LRRK2: variants seen among roughly 807,000 people sequenced by gnomAD.
The protein encoded by LRRK2 is leucine-rich repeat serine/threonine-protein kinase 2.
In LRRK2, 203 loss-of-function variants were observed where a neutral mutation model predicts 302.6. That is an observed-to-expected ratio of 0.67 (90% confidence interval 0.60 to 0.75). The LOEUF is 0.75. Among genes scored for constraint, LRRK2 ranks in the 30% least tolerant of loss-of-function variants. The pLI, the probability that LRRK2 is intolerant of heterozygous loss-of-function variation, is 0.00. For synonymous variants in LRRK2, 1,066 were observed against 1,031.9 expected (o/e 1.03, Z -0.63); for missense variants, 2,830 against 2,951.0 (o/e 0.96, Z 0.95).
Position 40,287,445 on chromosome 12 carries a change from T to C in LRRK2, c.2595T>C (p.Ser865=). The C allele has an allele frequency of 1.2e-6, 2 of 1,612,892 alleles. No homozygotes were observed. Among genetic ancestry groups the C allele is most frequent in the Non-Finnish European group, 1.7e-6 (2 of 1,179,172 alleles). The change falls in exon 20 of 51, where the codon TCT becomes TCC. Residue 865 remains serine (S), a synonymous_variant. Transcript: ENST00000298910. ...CCTCAGGCAGCGATGGAAATTTTTCTGAAGATGTGCTGTCTAAATTTGATG... is the reference window on the plus strand; with the variant it reads ...CCTCAGGCAGCGATGGAAATTTTTCCGAAGATGTGCTGTCTAAATTTGATG... ...GTASGSDGNF[S]EDVLSKFDEW... is the part of the protein sequence containing the mutation.
At position 40,320,850 on chromosome 12, in the gene LRRK2, A is replaced by G. The variant is rs559089001; in HGVS notation, c.5016-184A>G. The stretch of plus-strand genomic sequence containing the variant: ...TTCATGCATCTACATCTGAGCATGC[A>G]TTTGAATTGGTTATTGACCACTGAA... On this transcript the variant is annotated intron_variant, in intron 34 of 50. Transcript: ENST00000298910. 4.9e-4 allele frequency among the ~76,000 whole-genome samples: 74 copies of G among 152,178 alleles called. 1 individual carries two copies. The highest frequency in any genetic ancestry group is 1.5e-3 in the African/African-American group (63 of 41,566).
chr12:40,242,176 T>G (rs1368069263), intron 6 of LRRK2, among the ~76,000 whole-genome samples: 3 of 152,170 alleles, frequency 2.0e-5, no homozygotes, highest in African/African-American at 7.2e-5. Context: ...CATTTGCTTT[T>G]CAGTCTTTAA....
intron 11 of LRRK2, among the ~76,000 whole-genome samples, chr12:40,254,720 T>A (rs1942424124): frequency 6.6e-6 from 1 of 152,198 alleles, no homozygotes; most frequent in African/African-American, 2.4e-5. Flanking sequence ...TATTGTGGTG[T>A]CTGAGGACTG....
chr12:40,274,890 T>G lies in LRRK2; in HGVS notation c.1838T>G (p.Leu613Trp). 1 of 1,612,810 alleles carries G rather than the reference T, an allele frequency of 6.2e-7. No homozygotes were observed. The highest frequency in any genetic ancestry group is 8.5e-7 in the Non-Finnish European group (1 of 1,178,902). The change falls in exon 16 of 51, where the codon TTG (leucine) becomes TGG (tryptophan). Residue 613 changes from leucine to tryptophan, a missense_variant. Physicochemically the swap from Leu to Trp is moderately conservative, Grantham distance 61. Coordinates refer to ENST00000298910, the MANE Select transcript of LRRK2 (RefSeq NM_198578.4). ...QCLGLSLIGY[L>W]ITKKNVFIGT... ...CTGGGTTTAAGTCTTATAGGATACT[T>G]GATTACAAAGAAGAATGTGTTCATA...
Position 40,321,181 on chromosome 12 carries a change from A to G in LRRK2, c.5163A>G (p.Ser1721=), listed in dbSNP as rs79909111. 747 of 1,611,606 alleles carry G rather than the reference A, an allele frequency of 4.6e-4. 2 individuals are homozygous for G. In the African/African-American group the frequency reaches 9.2e-3, roughly 20 times the overall value. The change falls in exon 35 of 51, where the codon TCA becomes TCG. Residue 1721 remains serine (S), a synonymous_variant. Coordinates refer to ENST00000298910, the MANE Select transcript of LRRK2 (RefSeq NM_198578.4). ...RLLEISPYML[S]GRERALRPNR... ...TTGAGATTTCACCTTACATGCTTTC[A>G]GGGAGAGGTAAGTATCTAATGAAGA... is the stretch of plus-strand genomic sequence containing the variant.
At chr12:40,341,861 A>G (rs1946054407) in intron 41 of LRRK2, among the ~76,000 whole-genome samples, 1 of 152,248 alleles carries the variant, frequency 6.6e-6, no homozygotes, top group South Asian at 2.1e-4. Flanking sequence ...CACTATTAAA[A>G]AAGTCAAAAC....
intron 7 of LRRK2, among the ~76,000 whole-genome samples, chr12:40,247,503 C>CAAATGTATATAAATAT (rs1942039625): frequency 1.5e-5 from 2 of 129,264 alleles, no homozygotes; most frequent in Admixed American, 8.1e-5. Context: ...TATATATTTA[C>CAAATGTATATAAATAT]ACATGTATAT....
intron 3 of LRRK2, among the ~76,000 whole-genome samples, chr12:40,235,199 C>T (rs940709083): frequency 5.3e-5 from 8 of 152,102 alleles, no homozygotes; most frequent in African/African-American, 9.7e-5. Context: ...TGGCCAGGCA[C>T]GGTGGCTCAC....
intron 41 of LRRK2, among the ~76,000 whole-genome samples, chr12:40,344,657 A>T (rs1014428015): frequency 3.9e-5 from 6 of 152,208 alleles, no homozygotes; most frequent in African/African-American, 1.4e-4. Flanking sequence ...ATTAGGAGCT[A>T]TTGTGATTTG....
chr12:40,262,778 G>T (rs953315856), intron 13 of LRRK2, among the ~76,000 whole-genome samples: 19 of 152,156 alleles, frequency 1.2e-4, no homozygotes, highest in African/African-American at 4.6e-4. Context: ...AGTTTTAGTG[G>T]TCACATCTTC....
intron 10 of LRRK2, 124 bp downstream of exon 10, chr12:40,251,668 T>C: frequency 2.4e-6 from 2 of 836,048 alleles, no homozygotes; most frequent in Non-Finnish European, 3.8e-6. Flanking sequence ...TAGTTTTAGA[T>C]GTTGCTGCAA....
At chr12:40,284,261 ATT>A (rs55933352) in intron 19 of LRRK2, 128 bp downstream of exon 19, 23,956 of 510,112 alleles carry the variant, frequency 0.047, no homozygotes, top group South Asian at 0.061. Context: ...AAAGGTTTGG[ATT>A]TTTTTTTTTT....
intron 29 of LRRK2, among the ~76,000 whole-genome samples, 193 bp downstream of exon 29, chr12:40,308,889 AT>A (rs1261907867): frequency 1.1e-4 from 16 of 152,158 alleles, no homozygotes; most frequent in Admixed American, 1.0e-3. Flanking sequence ...GTTAGGAACA[AT>A]TTGGTGCTAG....
At position 40,299,325 on chromosome 12, in the gene LRRK2, A is replaced by G. The variant is rs1592249948; in HGVS notation, c.3496+68A>G. The G allele has an allele frequency of 3.3e-6, 5 of 1,525,926 alleles. No individual in the cohort carries two copies. The Admixed American group carries it at 8.4e-5, about 26-fold the overall frequency. 94.5% of individuals were successfully genotyped at this position (1,525,926 alleles called of 1,614,324 possible). A position where few individuals can be genotyped will look rare whatever the true frequency, so the allele number is the denominator to read the frequency against. Reference sequence around the variant, plus strand: ...GTTGTACAAGATGAGTCATATATGGACCCTTTAGTTGTGGATTTAAAAGTG... The same window carrying G: ...GTTGTACAAGATGAGTCATATATGGGCCCTTTAGTTGTGGATTTAAAAGTG... On this transcript the variant is annotated intron_variant, in intron 25 of 50. Transcript: ENST00000298910.
At position 40,356,975 on chromosome 12, in the gene LRRK2, A is replaced by G. The variant is rs181146661; in HGVS notation, c.6843+788A>G. 7.2e-5 allele frequency among the ~76,000 whole-genome samples: 11 copies of G among 152,268 alleles called. No homozygotes were observed. The East Asian group carries it at 1.9e-3, about 27-fold the overall frequency. On this transcript the variant is annotated intron_variant, in intron 46 of 50. Coordinates refer to ENST00000298910, the MANE Select transcript of LRRK2 (RefSeq NM_198578.4). Reference sequence around the variant, plus strand: ...TTTCAAGTCTCCTAGTTATTTTGAAATGTTTTTAACTGTAGTCACTTTATT... The same window carrying G: ...TTTCAAGTCTCCTAGTTATTTTGAAGTGTTTTTAACTGTAGTCACTTTATT...
intron 14 of LRRK2, among the ~76,000 whole-genome samples, chr12:40,272,662 G>A (rs761083552): frequency 9.9e-5 from 15 of 152,240 alleles, no homozygotes; most frequent in African/African-American, 1.7e-4. Context: ...GGAGGTAAAA[G>A]AAGACATTGT....
At chr12:40,282,131 TCCCC>T (rs1412861612) in intron 18 of LRRK2, among the ~76,000 whole-genome samples, 1 of 71,842 alleles carries the variant, frequency 1.4e-5, no homozygotes, top group African/African-American at 5.3e-5. Flanking sequence ...TCCCCTCCCC[TCCCC>T]TCCCCTCCCT....
chr12:40,245,255 T>C (rs1257591813), intron 7 of LRRK2, among the ~76,000 whole-genome samples: 1 of 152,052 alleles, frequency 6.6e-6, no homozygotes, highest in African/African-American at 2.4e-5. Flanking sequence ...ATTCCCCCTC[T>C]TTTTTTCAGT....
chr12:40,256,781 A>G (rs1470348241), intron 11 of LRRK2, among the ~76,000 whole-genome samples: 2 of 152,224 alleles, frequency 1.3e-5, no homozygotes, highest in African/African-American at 2.4e-5. Flanking sequence ...CGATACCTCC[A>G]CATGCTTATA....
Sources: gnomAD v4.1 joint callset for allele counts (sites outside exome capture counted in the v4.1 genomes callset) on GRCh38, gnomAD v4.1.1 for gene constraint, MANE v1.5 for transcripts, NCBI Gene and HGNC (gene_info 2026-07-23, HGNC 2026-07-21) for gene names.